Variants in NUP98 observed in about 807,000 individuals in gnomAD.
NUP98 encodes the protein nuclear pore complex protein Nup98-Nup96.
A neutral mutation model predicts 191.9 loss-of-function variants in NUP98; 26 were observed. That is an observed-to-expected ratio of 0.14 (90% CI 0.10 to 0.19). The LOEUF is 0.19. Among genes scored for constraint, NUP98 ranks in the 10% least tolerant of loss-of-function variants. The probability of loss-of-function intolerance (pLI) is 1.00; values close to 1 mark genes in which losing one functional copy is unlikely to be tolerated. For missense variants in NUP98, 1,941 were observed against 2,178.8 expected (o/e 0.89, Z 2.17); for synonymous variants, 808 against 778.4 (o/e 1.04, Z -0.63).
At chr11:3,726,999 G>C (rs1284087703) in intron 14 of NUP98, among the ~76,000 whole-genome samples, 1 of 152,062 alleles carries the variant, frequency 6.6e-6, no homozygotes, top group Non-Finnish European at 1.5e-5. Context: ...GGCCTCTCTA[G>C]TGATCCTCCT....
At chr11:3,718,072 C>T (rs7127987) in intron 18 of NUP98, among the ~76,000 whole-genome samples, 2,238 of 152,176 alleles carry the variant, frequency 0.015, 45 homozygotes, top group African/African-American at 0.049. Flanking sequence ...AATAAGGTAA[C>T]GCTTGCCTCA....
intron 11 of NUP98, among the ~76,000 whole-genome samples, chr11:3,752,355 A>G (rs920783991): frequency 6.6e-6 from 1 of 151,742 alleles, no homozygotes; most frequent in Admixed American, 6.6e-5. Flanking sequence ...CATCTCTACT[A>G]AAAATACAAT....
chr11:3,702,956 A>T, intron 22 of NUP98, 64 bp from the exon 23 acceptor site: 1 of 1,334,428 alleles, frequency 7.5e-7, no homozygotes, highest in Non-Finnish European at 1.0e-6. Context: ...TGTTTCTTGA[A>T]CAATAACAAA....
In NUP98 at chr11:3,727,329, G is replaced by A. The variant is rs113320262; in HGVS notation, c.1731-2110C>T. ...AACAAAAACAAAAAACCCAGGTGAGGGTGGGGGGCAGTGTGTGGAATTTAA... is the reference window on the plus strand; with the variant it reads ...AACAAAAACAAAAAACCCAGGTGAGAGTGGGGGGCAGTGTGTGGAATTTAA... On this transcript the variant is annotated intron_variant, in intron 14 of 32. Transcript: ENST00000324932. Among the ~76,000 whole-genome samples the A allele has an allele frequency of 1.0e-2, 1,518 of 152,158 alleles. 28 individuals carry two copies. Among genetic ancestry groups the A allele is most frequent in the African/African-American group, 0.035 (1,459 of 41,508 alleles).
In NUP98 at chr11:3,723,341, T is replaced by C; in HGVS notation, c.1962A>G (p.Pro654=). Residue 654 remains proline (P), a synonymous_variant, in exon 16 of 33, where the codon CCA becomes CCG. Coordinates refer to ENST00000324932, the MANE Select transcript of NUP98 (RefSeq NM_016320.5). Reference sequence around the variant, plus strand: ...TGCTGTGTTTATTTCCAGCACTTTCTGGGGTTTGAGGAATAGGTTTGGCAA... The same window carrying C: ...TGCTGTGTTTATTTCCAGCACTTTCCGGGGTTTGAGGAATAGGTTTGGCAA... ...NPIAKPIPQT[P]ESAGNKHSNS... 1.2e-6 allele frequency: 2 copies of C among 1,614,152 alleles called. No homozygotes were observed. The highest frequency in any genetic ancestry group is 1.7e-6 in the Non-Finnish European group (2 of 1,180,016).
intron 11 of NUP98, among the ~76,000 whole-genome samples, chr11:3,752,518 A>AAAAT (rs3061901): frequency 0.23 from 33,255 of 147,362 alleles, 3,922 homozygotes; most frequent in East Asian, 0.29. Flanking sequence ...CTCCATCTCC[A>AAAAT]AAATAAATAA....
At chr11:3,706,975 G>C (rs538491342) in intron 20 of NUP98, among the ~76,000 whole-genome samples, 1 of 152,114 alleles carries the variant, frequency 6.6e-6, no homozygotes, top group Admixed American at 6.6e-5. Context: ...GATTTACACA[G>C]GGTCACCTTT....
chr11:3,734,269 G>A (rs769857149), intron 13 of NUP98, among the ~76,000 whole-genome samples: 10 of 152,052 alleles, frequency 6.6e-5, no homozygotes, highest in Non-Finnish European at 1.3e-4. Context: ...CTGAACTCAG[G>A]TGATCCACCC....
chr11:3,713,587 T>C (rs542514417), intron 19 of NUP98, among the ~76,000 whole-genome samples: 6 of 152,226 alleles, frequency 3.9e-5, no homozygotes, highest in African/African-American at 1.4e-4. Context: ...GGCATGGTAG[T>C]GCATGCCTAT....
chr11:3,714,215 T>C (rs1398206666), intron 18 of NUP98, among the ~76,000 whole-genome samples: 3 of 152,210 alleles, frequency 2.0e-5, no homozygotes, highest in African/African-American at 4.8e-5. Context: ...CAGACTGCAT[T>C]TATTTAAATT....
At chr11:3,735,550 A>G (rs1051691835) in intron 12 of NUP98, among the ~76,000 whole-genome samples, 2 of 152,110 alleles carry the variant, frequency 1.3e-5, no homozygotes. Flanking sequence ...CATAAGATAC[A>G]ATACTCATAT....
intron 1 of NUP98, among the ~76,000 whole-genome samples, chr11:3,788,074 G>A (rs1280697866): frequency 6.6e-6 from 1 of 152,144 alleles, no homozygotes; most frequent in Non-Finnish European, 1.5e-5. Flanking sequence ...TTTTAGTTAT[G>A]CAATATATTT....
chr11:3,680,608 C>G (rs2077955622), intron 30 of NUP98, among the ~76,000 whole-genome samples: 1 of 152,198 alleles, frequency 6.6e-6, no homozygotes. Context: ...GTGGCACGAT[C>G]TTGGCTCACT....
intron 28 of NUP98, among the ~76,000 whole-genome samples, chr11:3,687,466 T>C (rs1358331939): frequency 3.3e-5 from 5 of 152,226 alleles, no homozygotes; most frequent in Non-Finnish European, 7.3e-5. Flanking sequence ...CTGCCTAACC[T>C]ACAGTTGCAA....
chr11:3,702,256 A>C (rs1195839221), intron 23 of NUP98, among the ~76,000 whole-genome samples: 3 of 150,262 alleles, frequency 2.0e-5, no homozygotes, highest in African/African-American at 7.4e-5. Flanking sequence ...ACACACACAC[A>C]CCGGGGAAAC....
chr11:3,733,105 T>C lies in NUP98; in HGVS notation c.1543-1527A>G, dbSNP rs77102620. Among the ~76,000 whole-genome samples the C allele has an allele frequency of 1.1e-4, 17 of 152,340 alleles. No individual in the cohort carries two copies. In the East Asian group the frequency reaches 3.3e-3, roughly 29 times the overall value. On this transcript the variant is annotated intron_variant, in intron 13 of 32. Coordinates refer to ENST00000324932, the MANE Select transcript of NUP98 (RefSeq NM_016320.5). ...ACGCATCTACTTCAATAGTTTTTAG[T>C]ATATTTACAAGGTTGTGCAACCATC...
Position 3,717,936 on chromosome 11 carries a change from CATG to C in NUP98, c.2399+1473_2399+1475del, listed in dbSNP as rs754715109. 4.5e-4 allele frequency among the ~76,000 whole-genome samples: 68 copies of C among 152,234 alleles called. 1 individual carries two copies. Among genetic ancestry groups the C allele is most frequent in the Non-Finnish European group, 5.0e-4 (34 of 68,022 alleles). ...TGCATTCCAGAATAAATCTTTTGGC[CATG>C]ATGTGTAATCCTTTCAATACGCTGT... is the stretch of plus-strand genomic sequence containing the variant. On this transcript the variant is annotated intron_variant, in intron 18 of 32. Coordinates refer to ENST00000324932, the MANE Select transcript of NUP98 (RefSeq NM_016320.5).
At chr11:3,694,212 A>T (rs2078422874) in intron 26 of NUP98, among the ~76,000 whole-genome samples, 1 of 152,060 alleles carries the variant, frequency 6.6e-6, no homozygotes. Context: ...CTCTACTAAA[A>T]ATACAAAAAT....
Position 3,753,755 on chromosome 11 carries a change from C to CAAAAAAAAAAAAAAAA in NUP98, c.1175-363_1175-348dup, listed in dbSNP as rs58867754. On this transcript the variant is annotated intron_variant, in intron 10 of 32. Coordinates refer to ENST00000324932, the MANE Select transcript of NUP98 (RefSeq NM_016320.5). ...GTGAAACCCCGTCTCTATAAAAATA[C>CAAAAAAAAAAAAAAAA]AAAAAAAAAAAAAAAAAAAAAAAAA... is the stretch of plus-strand genomic sequence containing the variant. Among the ~76,000 whole-genome samples the CAAAAAAAAAAAAAAAA allele has an allele frequency of 2.0e-4, 2 of 10,174 alleles. 1 individual carries two copies. The highest frequency in any genetic ancestry group is 3.2e-4 in the Non-Finnish European group (2 of 6,336). The allele number at this position is 10,174 out of a possible 152,430, so 6.7% of individuals were successfully genotyped here. A position where few individuals can be genotyped will look rare whatever the true frequency, so the allele number is the denominator to read the frequency against.
Sources: allele counts gnomAD v4.1 joint callset (sites outside exome capture counted in the v4.1 genomes callset), GRCh38; gene constraint gnomAD v4.1.1; transcripts MANE v1.5; gene names NCBI Gene and HGNC (gene_info 2026-07-23, HGNC 2026-07-21).